Variants in QTMAN observed in about 807,000 individuals in gnomAD.
The protein encoded by QTMAN is queuosine-tRNA mannosyltransferase, also known as tRNA-queuosine alpha-mannosyltransferase.
At chr2:144,068,208 G>A in the QTMAN span, among the ~76,000 whole-genome samples, 1 of 152,104 alleles carries the variant, frequency 6.6e-6, no homozygotes, top group Non-Finnish European at 1.5e-5. Flanking sequence ...GGCATCTAAA[G>A]ACTGCGGGTT....
the QTMAN span, among the ~76,000 whole-genome samples, chr2:144,297,997 TACG>T: frequency 6.6e-6 from 1 of 151,970 alleles, no homozygotes; most frequent in African/African-American, 2.4e-5. Flanking sequence ...GTAAAAGTAT[TACG>T]ACTACATAGA....
the QTMAN span, among the ~76,000 whole-genome samples, chr2:144,133,147 AT>A: frequency 0.018 from 863 of 49,142 alleles, 45 homozygotes; most frequent in African/African-American, 0.11. Flanking sequence ...ATATATATAT[AT>A]ATAATATAAT....
chr2:144,290,680 C>T, the QTMAN span, among the ~76,000 whole-genome samples: 2 of 152,184 alleles, frequency 1.3e-5, no homozygotes, highest in Non-Finnish European at 2.9e-5. Flanking sequence ...TCTTTTTCCA[C>T]CTAAATACAT....
chr2:143,999,213 A>G, the QTMAN span, among the ~76,000 whole-genome samples: 1 of 152,030 alleles, frequency 6.6e-6, no homozygotes, highest in Non-Finnish European at 1.5e-5. Context: ...GTTCTGTTAC[A>G]TGTTTATGTG....
At chr2:144,252,678 AAC>A in the QTMAN span, among the ~76,000 whole-genome samples, 2 of 152,342 alleles carry the variant, frequency 1.3e-5, no homozygotes, top group East Asian at 3.9e-4. Context: ...CACTTTGGAT[AAC>A]AGTTTTGCAG....
the QTMAN span, among the ~76,000 whole-genome samples, chr2:144,090,082 T>C: frequency 2.0e-5 from 3 of 152,124 alleles, no homozygotes; most frequent in East Asian, 1.9e-4. Flanking sequence ...TAATCCACCA[T>C]CATCACCATC....
chr2:143,952,502 G>A, the QTMAN span, among the ~76,000 whole-genome samples: 1 of 151,206 alleles, frequency 6.6e-6, no homozygotes, highest in Non-Finnish European at 1.5e-5. Flanking sequence ...CAGCAACACT[G>A]ACCTGCTTAT....
chr2:144,228,265 T>TA, the QTMAN span, among the ~76,000 whole-genome samples: 1 of 152,172 alleles, frequency 6.6e-6, no homozygotes, highest in African/African-American at 2.4e-5. Context: ...ATACTTGAGT[T>TA]AGACTCTTTA....
At chr2:144,023,556 T>C in the QTMAN span, among the ~76,000 whole-genome samples, 6 of 152,212 alleles carry the variant, frequency 3.9e-5, no homozygotes, top group African/African-American at 1.2e-4. Flanking sequence ...TTTCAGAATA[T>C]AGTGAACATT....
the QTMAN span, among the ~76,000 whole-genome samples, chr2:144,184,855 T>A: frequency 6.6e-6 from 1 of 152,044 alleles, no homozygotes; most frequent in Admixed American, 6.6e-5. Flanking sequence ...TAAGTAAATT[T>A]TAAAAATAAG....
chr2:144,283,075 T>C, the QTMAN span, among the ~76,000 whole-genome samples: 1 of 152,206 alleles, frequency 6.6e-6, no homozygotes, highest in African/African-American at 2.4e-5. Flanking sequence ...TTCATTTGTA[T>C]CCTTTATCAT....
chr2:144,287,820 A>C, the QTMAN span, among the ~76,000 whole-genome samples: 1 of 152,140 alleles, frequency 6.6e-6, no homozygotes, highest in Non-Finnish European at 1.5e-5. Context: ...TTATACAGTT[A>C]ATTGACAACA....
chr2:144,256,782 G>C, the QTMAN span, among the ~76,000 whole-genome samples: 1 of 151,910 alleles, frequency 6.6e-6, no homozygotes, highest in Non-Finnish European at 1.5e-5. Context: ...AAACCTAGAT[G>C]ACGGGTTGAC....
the QTMAN span, among the ~76,000 whole-genome samples, chr2:144,267,749 T>C: frequency 2.6e-5 from 4 of 152,186 alleles, no homozygotes; most frequent in Admixed American, 6.5e-5. Flanking sequence ...AGATGAAAAT[T>C]TTCCTGCAAC....
chr2:144,103,286 C>T, the QTMAN span, among the ~76,000 whole-genome samples: 7 of 152,190 alleles, frequency 4.6e-5, no homozygotes, highest in African/African-American at 1.7e-4. Context: ...CTATGTAAAA[C>T]TGGAGGCCGG....
the QTMAN span, among the ~76,000 whole-genome samples, chr2:144,265,751 T>G: frequency 6.6e-6 from 1 of 152,128 alleles, no homozygotes; most frequent in Non-Finnish European, 1.5e-5. Context: ...CTTCTCTAAC[T>G]GAGGACCTCC....
the QTMAN span, among the ~76,000 whole-genome samples, chr2:144,168,812 T>G: frequency 6.6e-6 from 1 of 152,122 alleles, no homozygotes; most frequent in African/African-American, 2.4e-5. Context: ...CATCTGTACA[T>G]CTTAGGCTTC....
the QTMAN span, among the ~76,000 whole-genome samples, chr2:144,191,849 T>C: frequency 2.0e-5 from 3 of 152,212 alleles, no homozygotes; most frequent in African/African-American, 7.2e-5. Context: ...CATAAGTTAA[T>C]TATCTAATAC....
chr2:144,246,316 G>T, the QTMAN span, among the ~76,000 whole-genome samples: 1 of 152,076 alleles, frequency 6.6e-6, no homozygotes, highest in Non-Finnish European at 1.5e-5. Flanking sequence ...GCTCACGCCT[G>T]TAATCCCAGC....
Sources: gnomAD v4.1 joint callset for allele counts (sites outside exome capture counted in the v4.1 genomes callset) on GRCh38, gnomAD v4.1.1 for gene constraint, MANE v1.5 for transcripts, NCBI Gene and HGNC (gene_info 2026-07-23, HGNC 2026-07-21) for gene names.